Variants in BAZ2B observed in about 807,000 individuals in gnomAD.
BAZ2B encodes bromodomain adjacent to zinc finger domain 2B.
Under a neutral mutation model 246.0 loss-of-function variants are expected in BAZ2B, and 91 were observed. The ratio of observed to expected loss-of-function variants is 0.37; its 90% CI spans 0.31 to 0.44. The LOEUF (loss-of-function observed/expected upper bound fraction) is 0.44. Ranked by LOEUF, BAZ2B falls within the 20% of genes least tolerant of loss-of-function variation. BAZ2B has a pLI of 1.00. For missense variants in BAZ2B, 2,332 were observed against 2,533.7 expected (o/e 0.92, Z 1.71); for synonymous variants, 855 against 860.0 (o/e 0.99, Z 0.10).
chr2:159,344,534 C>CAAAAAAA (rs35387556), intron 31 of BAZ2B, among the ~76,000 whole-genome samples: 2 of 137,968 alleles, frequency 1.4e-5, no homozygotes, highest in Admixed American at 7.3e-5. Flanking sequence ...AACTCCGTCT[C>CAAAAAAA]AAAAAAAAAA....
At chr2:159,567,015 G>A (rs1041945875) in intron 1 of BAZ2B, among the ~76,000 whole-genome samples, 1 of 145,956 alleles carries the variant, frequency 6.9e-6, no homozygotes, top group Non-Finnish European at 1.5e-5. Context: ...AAGCTGAGGC[G>A]AGTGATCACC....
Position 159,540,409 on chromosome 2 carries a change from G to A in BAZ2B, c.-3+15414C>T, listed in dbSNP as rs142446795. On this transcript the variant is annotated intron_variant, in intron 2 of 36. Coordinates refer to ENST00000392783, the MANE Select transcript of BAZ2B (RefSeq NM_013450.4). ...CACAAAAATAAAGATAATTAAATGAGAGAGATTGGCAGTATATAAGTGGGT... is the reference window on the plus strand; with the variant it reads ...CACAAAAATAAAGATAATTAAATGAAAGAGATTGGCAGTATATAAGTGGGT... 2.0e-5 allele frequency among the ~76,000 whole-genome samples: 3 copies of A among 152,288 alleles called. No individual in the cohort carries two copies. The East Asian group carries it at 5.8e-4, about 29-fold the overall frequency.
chr2:159,563,970 G>A (rs2090119485), intron 1 of BAZ2B, among the ~76,000 whole-genome samples: 1 of 152,174 alleles, frequency 6.6e-6, no homozygotes, highest in Non-Finnish European at 1.5e-5. Flanking sequence ...TATGTGGCAG[G>A]TACTGTGTTA....
At chr2:159,458,040 TCCAGCCA>T (rs1208092269) in intron 3 of BAZ2B, among the ~76,000 whole-genome samples, 1 of 152,140 alleles carries the variant, frequency 6.6e-6, no homozygotes, top group Non-Finnish European at 1.5e-5. Flanking sequence ...ACATGGAGTC[TCCAGCCA>T]CCCAGGCTGG....
At chr2:159,463,557 T>C (rs1025527579) in intron 3 of BAZ2B, 2 of 152,766 alleles carry the variant, frequency 1.3e-5, no homozygotes, top group African/African-American at 4.8e-5. Context: ...TTTTGTCTAG[T>C]TGAGAAAAGC....
chr2:159,582,066 A>AATT (rs1553732694), intron 1 of BAZ2B, among the ~76,000 whole-genome samples: 25 of 150,492 alleles, frequency 1.7e-4, no homozygotes, highest in Non-Finnish European at 3.0e-4. Flanking sequence ...CTTAAAGTAT[A>AATT]AAAAAAATGC....
chr2:159,569,904 T>C (rs1683537961), intron 1 of BAZ2B, among the ~76,000 whole-genome samples: 1 of 152,184 alleles, frequency 6.6e-6, no homozygotes, highest in Non-Finnish European at 1.5e-5. Context: ...TATTGTTGTC[T>C]ACCTTAATTC....
At chr2:159,571,142 C>T (rs1683918378) in intron 1 of BAZ2B, among the ~76,000 whole-genome samples, 1 of 152,228 alleles carries the variant, frequency 6.6e-6, no homozygotes, top group South Asian at 2.1e-4. Flanking sequence ...GCACGAGCCA[C>T]CACGCTCAGC....
At chr2:159,435,748 C>T (rs1466706267) in intron 8 of BAZ2B, among the ~76,000 whole-genome samples, 1 of 152,170 alleles carries the variant, frequency 6.6e-6, no homozygotes, top group East Asian at 1.9e-4. Flanking sequence ...CCTTGGCCTC[C>T]CAAAGTACTG....
At chr2:159,631,616 C>T in the BAZ2B span, among the ~76,000 whole-genome samples, 1 of 152,164 alleles carries the variant, frequency 6.6e-6, no homozygotes, top group East Asian at 1.9e-4. Flanking sequence ...TATAAGGTGG[C>T]TCCCATTGGC....
chr2:159,645,278 A>AGTTT, the BAZ2B span, among the ~76,000 whole-genome samples: 1 of 151,174 alleles, frequency 6.6e-6, no homozygotes, highest in African/African-American at 2.4e-5. Context: ...CTCTAAAAAA[A>AGTTT]GTTTTTTTTT....
chr2:159,678,492 G>C, the BAZ2B span, among the ~76,000 whole-genome samples: 1 of 152,104 alleles, frequency 6.6e-6, no homozygotes, highest in African/African-American at 2.4e-5. Context: ...GCACAGCACA[G>C]TTACAACCTG....
At position 159,439,019 on chromosome 2, in the gene BAZ2B, C is replaced by T. The variant is rs766727956; in HGVS notation, c.890G>A (p.Ser297Asn). Residue 297 changes from serine to asparagine, a missense_variant, in exon 7 of 37, where the codon AGT becomes AAT. Physicochemically the swap from Ser to Asn is conservative, Grantham distance 46. Around this residue, in one of 9 missense-constraint regions of BAZ2B, gnomAD observed 161 missense variants for 225.8 expected, o/e 0.71. Transcript: ENST00000392783. ...TGAAAAAAATTATACCTGGTTGTTA[C>T]TTTTATGTTGTGCTTCACTCTCTGA... ...SDSESEAQHK[S>N]NNQVLLHGIS... 1.9e-6 allele frequency: 3 copies of T among 1,613,120 alleles called. No homozygotes were observed. The highest frequency in any genetic ancestry group is 2.5e-6 in the Non-Finnish European group (3 of 1,179,844).
At chr2:159,320,525 A>G (rs1215368237) in intron 36 of BAZ2B, 107 bp from the exon 37 acceptor site, 6 of 900,266 alleles carry the variant, frequency 6.7e-6, no homozygotes, top group Non-Finnish European at 8.2e-6. Flanking sequence ...GATTAGGATA[A>G]CTGCATTTAA....
intron 1 of BAZ2B, among the ~76,000 whole-genome samples, chr2:159,580,478 T>C (rs2151628511): frequency 6.6e-6 from 1 of 152,198 alleles, no homozygotes; most frequent in Non-Finnish European, 1.5e-5. Flanking sequence ...ATCGTGAAAA[T>C]GGCCATACTG....
intron 2 of BAZ2B, among the ~76,000 whole-genome samples, chr2:159,526,848 T>C (rs2084801212): frequency 2.0e-5 from 3 of 151,994 alleles, no homozygotes; most frequent in South Asian, 4.1e-4. Flanking sequence ...AACCTAATAG[T>C]TTTTTGTTTT....
intron 2 of BAZ2B, among the ~76,000 whole-genome samples, chr2:159,542,515 T>C (rs1269617566): frequency 6.6e-6 from 1 of 152,306 alleles, no homozygotes; most frequent in East Asian, 1.9e-4. Flanking sequence ...TACATGCCTG[T>C]AGTCCTAGCT....
chr2:159,523,900 G>A (rs2084426623), intron 2 of BAZ2B, among the ~76,000 whole-genome samples: 1 of 152,092 alleles, frequency 6.6e-6, no homozygotes, highest in South Asian at 2.1e-4. Context: ...TTTATTTGTT[G>A]TGCCCAAAGT....
chr2:159,341,053 A>C (rs1365079318), intron 31 of BAZ2B, among the ~76,000 whole-genome samples: 2 of 152,170 alleles, frequency 1.3e-5, no homozygotes, highest in Non-Finnish European at 2.9e-5. Context: ...AAATGAATTA[A>C]ATTTCCCATT....
Sources: allele counts gnomAD v4.1 joint callset (sites outside exome capture counted in the v4.1 genomes callset), GRCh38; gene constraint gnomAD v4.1.1; regional missense constraint gnomAD v4.1.1; transcripts MANE v1.5; gene names NCBI Gene and HGNC (gene_info 2026-07-23, HGNC 2026-07-21).